Variants in NR3C2 observed in about 807,000 individuals in gnomAD.
NR3C2 encodes mineralocorticoid receptor.
In NR3C2, 15 loss-of-function variants were observed where a neutral mutation model predicts 86.4. That is an observed-to-expected ratio of 0.17 (90% confidence interval 0.12 to 0.27). The LOEUF (loss-of-function observed/expected upper bound fraction) is 0.27. NR3C2 is among the 10% of genes least tolerant of loss of function. The pLI is 1.00. For missense variants in NR3C2, 960 were observed against 1,195.6 expected, an observed-to-expected ratio of 0.80 and a Z score of 2.91; for synonymous variants, 458 against 450.5, an observed-to-expected ratio of 1.02 and a Z score of -0.21.
At chr4:148,364,692 G>A (rs1300564400) in intron 2 of NR3C2, among the ~76,000 whole-genome samples, 1 of 152,154 alleles carries the variant, frequency 6.6e-6, no homozygotes, top group Non-Finnish European at 1.5e-5. Flanking sequence ...CTATGTTGAT[G>A]GGTGTAGTCA....
intron 4 of NR3C2, among the ~76,000 whole-genome samples, chr4:148,170,301 A>G (rs185589928): frequency 2.3e-4 from 35 of 152,362 alleles, no homozygotes; most frequent in Admixed American, 9.8e-4. Context: ...GTGAACTAGA[A>G]AGATCATGAA....
At chr4:148,133,131 C>T (rs1257437596) in intron 6 of NR3C2, among the ~76,000 whole-genome samples, 1 of 149,724 alleles carries the variant, frequency 6.7e-6, no homozygotes, top group Non-Finnish European at 1.5e-5. Context: ...AAGCTGAGGA[C>T]GCGGTGAGCC....
chr4:148,189,326 T>G (rs910704095), intron 4 of NR3C2, among the ~76,000 whole-genome samples: 1 of 152,220 alleles, frequency 6.6e-6, no homozygotes, highest in Non-Finnish European at 1.5e-5. Flanking sequence ...ATTCTGTTTA[T>G]GTAACATATC....
chr4:148,391,391 TA>T (rs1015247190), intron 2 of NR3C2, among the ~76,000 whole-genome samples: 1 of 152,240 alleles, frequency 6.6e-6, no homozygotes, highest in Non-Finnish European at 1.5e-5. Context: ...GTATAATTCT[TA>T]CAAATACTGT....
intron 2 of NR3C2, among the ~76,000 whole-genome samples, chr4:148,262,653 C>T (rs1287485165): frequency 6.6e-6 from 1 of 152,040 alleles, no homozygotes; most frequent in Admixed American, 6.6e-5. Context: ...TAGGGTTGTG[C>T]AGATGTAATT....
chr4:148,104,464 C>G (rs762977402), intron 8 of NR3C2, among the ~76,000 whole-genome samples: 1 of 151,682 alleles, frequency 6.6e-6, no homozygotes, highest in East Asian at 1.9e-4. Flanking sequence ...TACTTAGAGC[C>G]TTCTTAGTCA....
In NR3C2 at chr4:148,088,570, T is replaced by C. The variant is rs558944750; in HGVS notation, c.2800-7071A>G. Among the ~76,000 whole-genome samples the C allele has an allele frequency of 9.3e-5, 12 of 128,880 alleles. No homozygotes were observed. The South Asian group carries it at 1.9e-3, about 20-fold the overall frequency. 84.6% of individuals were successfully genotyped at this position (128,880 alleles called of 152,430 possible). A position where few individuals can be genotyped will look rare whatever the true frequency, so the allele number is the denominator to read the frequency against. On this transcript the variant is annotated intron_variant, in intron 8 of 8. Transcript: ENST00000358102. Reference sequence around the variant, plus strand: ...TGAGTTCATGTCCTTTGCAGGGACATGGATGAAGCTGGAAACCATCATTCT... The same window carrying C: ...TGAGTTCATGTCCTTTGCAGGGACACGGATGAAGCTGGAAACCATCATTCT...
rs1201663104 is a variant in NR3C2 at position 148,145,319 on chromosome 4, C to T, written c.2510+7150G>A. Among the ~76,000 whole-genome samples, 5 of 152,294 alleles carry T rather than the reference C, an allele frequency of 3.3e-5. No homozygotes were observed. The East Asian group carries it at 7.7e-4, about 24-fold the overall frequency. On this transcript the variant is annotated intron_variant, in intron 6 of 8. Transcript: ENST00000358102. Reference sequence around the variant, plus strand: ...TCCCTCCGAAATGCTGGCAGGCCACCCGGCATGCGGACAGCCCACCCCAAG... The same window carrying T: ...TCCCTCCGAAATGCTGGCAGGCCACTCGGCATGCGGACAGCCCACCCCAAG...
chr4:148,155,826 A>T (rs931992257), intron 4 of NR3C2, among the ~76,000 whole-genome samples: 6 of 152,212 alleles, frequency 3.9e-5, no homozygotes. Context: ...CCAAAAGAAC[A>T]AAGCTGGAGG....
At chr4:148,395,927 G>A (rs975929987) in intron 2 of NR3C2, among the ~76,000 whole-genome samples, 1 of 152,180 alleles carries the variant, frequency 6.6e-6, no homozygotes, top group Non-Finnish European at 1.5e-5. Context: ...CCTGCCCTCA[G>A]TATACTTACA....
chr4:148,238,863 A>G (rs1311827896), intron 3 of NR3C2, among the ~76,000 whole-genome samples: 1 of 152,220 alleles, frequency 6.6e-6, no homozygotes, highest in Non-Finnish European at 1.5e-5. Flanking sequence ...GCCACAGGAC[A>G]CACAGGAGTC....
Position 148,154,788 on chromosome 4 carries a change from A to T in NR3C2, c.2128T>A (p.Tyr710Asn). 1 of 1,307,786 alleles carries T rather than the reference A, an allele frequency of 7.6e-7. No individual in the cohort carries two copies. The highest frequency in any genetic ancestry group is 1.0e-6 in the Non-Finnish European group (1 of 993,354). 81.0% of individuals were successfully genotyped at this position (1,307,786 alleles called of 1,614,324 possible). Residue 710 changes from tyrosine (Y) to asparagine (N), a missense_variant, in exon 5 of 9, where the codon TAC becomes AAC. This residue lies in a region of NR3C2 where 82 missense variants were observed against 73.0 expected (regional missense o/e 1.12). Coordinates refer to ENST00000358102, the MANE Select transcript of NR3C2 (RefSeq NM_000901.5). ...PPQSPEEGTT[Y>N]IAPAKEPSVN... is the part of the protein sequence containing the mutation. ...GAGGGTTCTTTTGCAGGAGCGATGT[A>T]CGTTGTCCCTTCCTCTGGGCTTTGC...
chr4:148,374,002 C>T (rs1041668042), intron 2 of NR3C2, among the ~76,000 whole-genome samples: 1 of 152,186 alleles, frequency 6.6e-6, no homozygotes, highest in Admixed American at 6.5e-5. Flanking sequence ...AAGCCTTGCA[C>T]AGACCTCTAC....
At chr4:148,209,691 C>A (rs1737188247) in intron 3 of NR3C2, among the ~76,000 whole-genome samples, 1 of 152,172 alleles carries the variant, frequency 6.6e-6, no homozygotes, top group Admixed American at 6.5e-5. Flanking sequence ...TCCTATATAA[C>A]AAAACCACCA....
intron 3 of NR3C2, among the ~76,000 whole-genome samples, chr4:148,209,496 C>T (rs1014175173): frequency 1.3e-5 from 2 of 152,092 alleles, no homozygotes; most frequent in African/African-American, 4.8e-5. Flanking sequence ...CAGGGTCTGA[C>T]TATCGTGCAC....
chr4:148,288,475 T>C (rs562920914), intron 2 of NR3C2, among the ~76,000 whole-genome samples: 1 of 152,306 alleles, frequency 6.6e-6, no homozygotes, highest in African/African-American at 2.4e-5. Flanking sequence ...AAAATAACAA[T>C]GAAGAGTTTG....
chr4:148,368,402 C>A (rs1039316720), intron 2 of NR3C2: 7 of 152,134 alleles, frequency 4.6e-5, no homozygotes, highest in African/African-American at 1.7e-4. Flanking sequence ...ATTACTACCT[C>A]TTCAAAGAAG....
intron 6 of NR3C2, among the ~76,000 whole-genome samples, chr4:148,134,986 G>A (rs892239256): frequency 6.6e-6 from 1 of 151,870 alleles, no homozygotes; most frequent in Non-Finnish European, 1.5e-5. Context: ...TAAAGCACTG[G>A]GCTCTTGGCA....
At chr4:148,235,494 T>A (rs1738704449) in intron 3 of NR3C2, among the ~76,000 whole-genome samples, 1 of 152,082 alleles carries the variant, frequency 6.6e-6, no homozygotes, top group African/African-American at 2.4e-5. Context: ...TTCATAAAAA[T>A]AAGAATTAAA....
Sources: gnomAD v4.1 joint callset for allele counts (sites outside exome capture counted in the v4.1 genomes callset) on GRCh38, gnomAD v4.1.1 for gene constraint, gnomAD v4.1.1 regional missense constraint, MANE v1.5 for transcripts, NCBI Gene and HGNC (gene_info 2026-07-23, HGNC 2026-07-21) for gene names.